Variants in CCSER1 observed in about 807,000 individuals in gnomAD.
CCSER1 encodes the protein coiled-coil serine rich protein 1.
A neutral mutation model predicts 82.0 loss-of-function variants in CCSER1; 41 were observed. That is an observed-to-expected ratio of 0.50 (90% confidence interval 0.39 to 0.65). The LOEUF is 0.65. Ranked by LOEUF, CCSER1 falls within the 30% of genes least tolerant of loss-of-function variation. The pLI is 0.00. For synonymous variants in CCSER1, 414 were observed against 383.9 expected (o/e 1.08, Z -0.92); for missense variants, 1,119 against 1,064.2 (o/e 1.05, Z -0.72).
intron 1 of CCSER1, among the ~76,000 whole-genome samples, chr4:90,144,106 T>TA (rs1354487418): frequency 1.3e-5 from 2 of 152,356 alleles, no homozygotes; most frequent in Admixed American, 6.5e-5. Flanking sequence ...AATCACTTGT[T>TA]ACTTGTCAGG....
intron 6 of CCSER1, among the ~76,000 whole-genome samples, chr4:90,644,736 G>A (rs764808217): frequency 6.6e-6 from 1 of 151,776 alleles, no homozygotes; most frequent in Non-Finnish European, 1.5e-5. Context: ...TTCTGTGCCT[G>A]CATAAGTTTG....
chr4:90,367,393 G>A (rs1746460286), intron 3 of CCSER1, among the ~76,000 whole-genome samples: 1 of 151,830 alleles, frequency 6.6e-6, no homozygotes. Flanking sequence ...GAGGTAACAT[G>A]AAATAATAAT....
chr4:90,325,130 G>C (rs1264465374), intron 3 of CCSER1, among the ~76,000 whole-genome samples: 1 of 152,132 alleles, frequency 6.6e-6, no homozygotes, highest in Non-Finnish European at 1.5e-5. Flanking sequence ...TTATGAATGT[G>C]CTTTCTTGCC....
intron 10 of CCSER1, among the ~76,000 whole-genome samples, chr4:91,436,450 T>C (rs1754655275): frequency 6.6e-6 from 1 of 152,198 alleles, no homozygotes; most frequent in African/African-American, 2.4e-5. Flanking sequence ...CTCTAATCAA[T>C]CTTGCCTCAA....
At chr4:90,158,399 TC>T (rs1166817796) in intron 1 of CCSER1, among the ~76,000 whole-genome samples, 1 of 152,162 alleles carries the variant, frequency 6.6e-6, no homozygotes, top group African/African-American at 2.4e-5. Context: ...ACCACTGCTC[TC>T]CTCAAAGCTG....
chr4:90,526,154 G>T (rs887871525), intron 5 of CCSER1, among the ~76,000 whole-genome samples: 2 of 152,000 alleles, frequency 1.3e-5, no homozygotes, highest in African/African-American at 4.8e-5. Context: ...TTAACCCAAA[G>T]AGGCTAAAAT....
intron 9 of CCSER1, among the ~76,000 whole-genome samples, chr4:91,075,574 C>G (rs181818827): frequency 6.6e-6 from 1 of 152,080 alleles, no homozygotes; most frequent in Non-Finnish European, 1.5e-5. Context: ...TTTGACTGTT[C>G]GTGTGTACAT....
intron 10 of CCSER1, among the ~76,000 whole-genome samples, chr4:91,193,659 G>T (rs561592745): frequency 6.6e-6 from 1 of 152,074 alleles, no homozygotes; most frequent in East Asian, 1.9e-4. Context: ...ATTATTGTTC[G>T]ATCTTGTCAT....
chr4:90,740,119 A>T (rs973928482), intron 7 of CCSER1, among the ~76,000 whole-genome samples: 4 of 152,180 alleles, frequency 2.6e-5, no homozygotes, highest in Admixed American at 2.0e-4. Flanking sequence ...ATTAAATGTC[A>T]CCATATTTAA....
chr4:90,823,963 C>A (rs1760108848), intron 8 of CCSER1, among the ~76,000 whole-genome samples: 1 of 151,502 alleles, frequency 6.6e-6, no homozygotes, highest in African/African-American at 2.4e-5. Flanking sequence ...CTTTTCTGGC[C>A]ATTATTAATA....
intron 10 of CCSER1, among the ~76,000 whole-genome samples, chr4:91,518,569 CA>C (rs1760278016): frequency 1.3e-5 from 2 of 152,116 alleles, no homozygotes; most frequent in East Asian, 3.9e-4. Context: ...GAGGGTGGGG[CA>C]GCTGTACTGC....
intron 6 of CCSER1, among the ~76,000 whole-genome samples, chr4:90,663,252 T>G (rs1731146369): frequency 1.3e-5 from 2 of 152,232 alleles, no homozygotes; most frequent in African/African-American, 4.8e-5. Flanking sequence ...TTCTTACAAT[T>G]TTCTATTAAA....
At chr4:90,865,643 T>C (rs2150006641) in intron 8 of CCSER1, among the ~76,000 whole-genome samples, 1 of 152,106 alleles carries the variant, frequency 6.6e-6, no homozygotes, top group East Asian at 1.9e-4. Flanking sequence ...ATCCTCCTAT[T>C]TTTTTGCCCA....
intron 10 of CCSER1, among the ~76,000 whole-genome samples, chr4:91,515,090 A>G (rs1168370981): frequency 6.6e-6 from 1 of 152,150 alleles, no homozygotes; most frequent in Non-Finnish European, 1.5e-5. Flanking sequence ...ATATTTAACT[A>G]TCACATATGG....
intron 7 of CCSER1, among the ~76,000 whole-genome samples, chr4:90,729,634 G>A (rs1042304302): frequency 1.3e-5 from 2 of 152,288 alleles, no homozygotes; most frequent in Admixed American, 1.3e-4. Flanking sequence ...CCAGCACTTT[G>A]GGAGGCTGAG....
chr4:91,597,024 AATC>A (rs1181767164), intron 10 of CCSER1, among the ~76,000 whole-genome samples: 1 of 152,044 alleles, frequency 6.6e-6, no homozygotes, highest in African/African-American at 2.4e-5. Context: ...TTTCAATAAT[AATC>A]ATTTTGAGGC....
intron 6 of CCSER1, among the ~76,000 whole-genome samples, chr4:90,670,098 G>T (rs186109359): frequency 4.6e-5 from 7 of 152,226 alleles, no homozygotes; most frequent in Admixed American, 2.6e-4. Context: ...AATTTAAGAA[G>T]ATTCTCATTG....
chr4:91,020,916 A>G (rs1450549833), intron 9 of CCSER1, among the ~76,000 whole-genome samples: 7 of 152,140 alleles, frequency 4.6e-5, no homozygotes, highest in African/African-American at 1.7e-4. Flanking sequence ...CACTATATCT[A>G]ATGGAAAGGT....
At chr4:91,442,860 A>G (rs1755279916) in intron 10 of CCSER1, among the ~76,000 whole-genome samples, 2 of 152,188 alleles carry the variant, frequency 1.3e-5, no homozygotes, top group Non-Finnish European at 2.9e-5. Flanking sequence ...CAGCCAAAAA[A>G]CACATGAAAA....
Sources: allele counts gnomAD v4.1 joint callset (sites outside exome capture counted in the v4.1 genomes callset), GRCh38; gene constraint gnomAD v4.1.1; transcripts MANE v1.5; gene names NCBI Gene and HGNC (gene_info 2026-07-23, HGNC 2026-07-21).